Variants in DLD observed in about 807,000 individuals in gnomAD.
DLD encodes the protein dihydrolipoamide dehydrogenase.
A neutral mutation model predicts 62.2 loss-of-function variants in DLD; 36 were observed. That is an observed-to-expected ratio of 0.58 (90% confidence interval 0.44 to 0.76). DLD has a LOEUF of 0.76. Ranked by LOEUF, DLD falls within the 30% of genes least tolerant of loss-of-function variation. DLD has a pLI of 0.00. For missense variants in DLD, 541 were observed against 608.6 expected, an observed-to-expected ratio of 0.89 and a Z score of 1.17; for synonymous variants, 204 against 199.6, an observed-to-expected ratio of 1.02 and a Z score of -0.19.
Position 107,915,551 on chromosome 7 carries a change from T to G in DLD, c.730T>G (p.Phe244Val). ...TGGTGCAGATGTGACAGCAGTTGAATTTTTAGGTCATGTAGGTGGAGTTGG... is the reference window on the plus strand; with the variant it reads ...TGGTGCAGATGTGACAGCAGTTGAAGTTTTAGGTCATGTAGGTGGAGTTGG... ...RLGADVTAVE[F>V]LGHVGGVGID... The change falls in exon 9 of 14, where the codon TTT becomes GTT. Residue 244 changes from phenylalanine to valine, a missense_variant. Coordinates refer to ENST00000205402, the MANE Select transcript of DLD (RefSeq NM_000108.5). 1 of 1,613,942 alleles carries G rather than the reference T, an allele frequency of 6.2e-7. No homozygotes were observed. The highest frequency in any genetic ancestry group is 8.5e-7 in the Non-Finnish European group (1 of 1,179,912).
At chr7:107,913,527 T>A (rs2032193623) in intron 8 of DLD, among the ~76,000 whole-genome samples, 1 of 151,916 alleles carries the variant, frequency 6.6e-6, no homozygotes, top group Non-Finnish European at 1.5e-5. Flanking sequence ...TTTTCTTTTT[T>A]AGATTGTCCA....
At chr7:107,905,994 C>T (rs2031996729) in intron 7 of DLD, among the ~76,000 whole-genome samples, 1 of 152,112 alleles carries the variant, frequency 6.6e-6, no homozygotes, top group African/African-American at 2.4e-5. Context: ...CTGCATACTT[C>T]CTCCTGTATA....
In DLD at chr7:107,916,689, A is replaced by C. The variant is rs1331860000; in HGVS notation, c.876-105A>C. 4.0e-6 allele frequency: 5 copies of C among 1,244,748 alleles called. No individual in the cohort carries two copies. The African/African-American group carries it at 7.4e-5, about 19-fold the overall frequency. 77.1% of individuals were successfully genotyped at this position (1,244,748 alleles called of 1,614,324 possible). A position where few individuals can be genotyped will look rare whatever the true frequency, so the allele number is the denominator to read the frequency against. ...CTGTCTCAAAAACAAAACAAAACAA[A>C]AATGAAAATGTCATCAACACTTGAG... On this transcript the variant is annotated intron_variant, in intron 9 of 13. Transcript: ENST00000205402.
intron 2 of DLD, among the ~76,000 whole-genome samples, chr7:107,893,937 TG>T (rs2031654600): frequency 6.6e-6 from 1 of 152,184 alleles, no homozygotes; most frequent in South Asian, 2.1e-4. Context: ...TGAGTAAGGT[TG>T]TATTGGTTAT....
At chr7:107,896,572 A>C (rs1412145844) in intron 2 of DLD, among the ~76,000 whole-genome samples, 1 of 152,168 alleles carries the variant, frequency 6.6e-6, no homozygotes, top group Non-Finnish European at 1.5e-5. Flanking sequence ...TATGACTAGA[A>C]AGTAGAGTAT....
chr7:107,899,956 G>A (rs2031834668), intron 2 of DLD, among the ~76,000 whole-genome samples: 1 of 151,980 alleles, frequency 6.6e-6, no homozygotes, highest in Admixed American at 6.6e-5. Flanking sequence ...ATGTTGTGTA[G>A]ATCGTCATTT....
chr7:107,899,537 A>G (rs1011115233), intron 2 of DLD, among the ~76,000 whole-genome samples: 2 of 152,022 alleles, frequency 1.3e-5, no homozygotes, highest in Non-Finnish European at 2.9e-5. Flanking sequence ...GAATTGTTAC[A>G]TATCAGTGAT....
At chr7:107,892,144 G>C (rs1397928143) in intron 1 of DLD, among the ~76,000 whole-genome samples, 1 of 152,134 alleles carries the variant, frequency 6.6e-6, no homozygotes, top group East Asian at 1.9e-4. Flanking sequence ...CAAATGTTAA[G>C]AGTTGCCTTG....
chr7:107,893,291 G>T lies in DLD; in HGVS notation c.118+13G>T. ...GCAGATCAGCCGAGTAAGTACTTAA[G>T]TAAAACATTTTTTTCATCACATTAG... On this transcript the variant is annotated intron_variant, in intron 2 of 13. Transcript: ENST00000205402. 1 of 1,605,452 alleles carries T rather than the reference G, an allele frequency of 6.2e-7. No homozygotes were observed. Among genetic ancestry groups the T allele is most frequent in the Non-Finnish European group, 8.5e-7 (1 of 1,174,312 alleles).
chr7:107,891,598 C>T, intron 1 of DLD: 1 of 551,520 alleles, frequency 1.8e-6, no homozygotes, highest in East Asian at 3.2e-5. Context: ...ACATAGGCCT[C>T]TACCTTGGAG....
chr7:107,906,444 G>C, intron 8 of DLD, 76 bp downstream of exon 8: 4 of 885,514 alleles, frequency 4.5e-6, no homozygotes, highest in Non-Finnish European at 7.7e-6. Flanking sequence ...TTGATTTTTT[G>C]TATAACATTA....
At chr7:107,903,358 A>G in intron 4 of DLD, 120 bp from the exon 5 acceptor site, 3 of 659,836 alleles carry the variant, frequency 4.5e-6, no homozygotes, top group Admixed American at 2.2e-5. Flanking sequence ...AGCTTGGGCA[A>G]TAAGAACGAA....
chr7:107,915,439 AGAT>A, intron 8 of DLD, 64 bp from the exon 9 acceptor site: 1 of 1,510,538 alleles, frequency 6.6e-7, no homozygotes, highest in Non-Finnish European at 9.2e-7. Flanking sequence ...TAAATTATTA[AGAT>A]GATTTCGTAA....
At chr7:107,900,974 A>G (rs2031861424) in intron 2 of DLD, among the ~76,000 whole-genome samples, 1 of 152,138 alleles carries the variant, frequency 6.6e-6, no homozygotes, top group Non-Finnish European at 1.5e-5. Context: ...TTGTATTACA[A>G]TTGTTAAACT....
At chr7:107,896,482 G>T (rs2031728452) in intron 2 of DLD, among the ~76,000 whole-genome samples, 1 of 152,270 alleles carries the variant, frequency 6.6e-6, no homozygotes, top group South Asian at 2.1e-4. Context: ...ACTTAACGGG[G>T]TTAGAGTTTG....
Position 107,901,798 on chromosome 7 carries a change from C to G in DLD, c.179C>G (p.Ala60Gly), listed in dbSNP as rs766559530. 1.9e-6 allele frequency: 3 copies of G among 1,613,560 alleles called. No homozygotes were observed. The Admixed American group carries it at 5.0e-5, about 27-fold the overall frequency. ...GPGGYVAAIK[A>G]AQLGFKTVCI... Reference sequence around the variant, plus strand: ...GGAGGATATGTTGCTGCTATTAAAGCTGCCCAGTTAGGCTTCAAGGTAAGG... The same window carrying G: ...GGAGGATATGTTGCTGCTATTAAAGGTGCCCAGTTAGGCTTCAAGGTAAGG... The change falls in exon 3 of 14, where the codon GCT becomes GGT. Residue 60 changes from alanine to glycine, a missense_variant. Transcript: ENST00000205402.
chr7:107,916,973 G>C lies in DLD; in HGVS notation c.1046+9G>C. The C allele has an allele frequency of 6.2e-7, 1 of 1,612,892 alleles. No homozygotes were observed. The highest frequency in any genetic ancestry group is 2.2e-5 in the East Asian group (1 of 44,864). ...CAAACTAAAATTCCAAAGTAAGTTG[G>C]ATAATTGTCTGCATTTTCAGTAATT... On this transcript the variant is annotated intron_variant, in intron 10 of 13. Transcript: ENST00000205402.
chr7:107,894,850 T>G (rs2031678569), intron 2 of DLD, among the ~76,000 whole-genome samples: 1 of 152,198 alleles, frequency 6.6e-6, no homozygotes, highest in African/African-American at 2.4e-5. Context: ...GTAACAAGCA[T>G]TTTACACACA....
chr7:107,905,230 A>G (rs1054664398), intron 6 of DLD, 131 bp from the exon 7 acceptor site: 31 of 1,085,292 alleles, frequency 2.9e-5, no homozygotes, highest in Non-Finnish European at 3.7e-5. Context: ...TTGCTGCACC[A>G]TGGTGTAGCA....
Sources: allele counts gnomAD v4.1 joint callset (sites outside exome capture counted in the v4.1 genomes callset), GRCh38; gene constraint gnomAD v4.1.1; transcripts MANE v1.5; gene names NCBI Gene and HGNC (gene_info 2026-07-23, HGNC 2026-07-21).